NAT10: variants seen among roughly 807,000 people sequenced by gnomAD.
NAT10 encodes the protein RNA cytidine acetyltransferase.
In NAT10, 109 loss-of-function variants were observed where a neutral mutation model predicts 132.2. The ratio of observed to expected loss-of-function variants is 0.82; its 90% CI spans 0.71 to 0.97. The LOEUF (loss-of-function observed/expected upper bound fraction) is 0.97, where lower values mean the gene tolerates loss of function less well. NAT10 is among the 50% of genes least tolerant of loss of function. The pLI is 0.00. For synonymous variants in NAT10, 479 were observed against 478.0 expected, an observed-to-expected ratio of 1.00 and a Z score of -0.03; for missense variants, 1,184 against 1,263.4, an observed-to-expected ratio of 0.94 and a Z score of 0.95.
chr11:34,126,408 G>A (rs1851995056), intron 11 of NAT10, among the ~76,000 whole-genome samples: 1 of 152,112 alleles, frequency 6.6e-6, no homozygotes, highest in Admixed American at 6.5e-5. Context: ...TTTAACATTT[G>A]TTTTCAAGAT....
At chr11:34,114,777 C>T (rs951532782) in intron 5 of NAT10, among the ~76,000 whole-genome samples, 6 of 152,182 alleles carry the variant, frequency 3.9e-5, no homozygotes, top group African/African-American at 9.7e-5. Context: ...ACTCCTTAAC[C>T]GGCTTTATTT....
chr11:34,121,647 G>C (rs1851896151), intron 8 of NAT10, among the ~76,000 whole-genome samples: 1 of 151,238 alleles, frequency 6.6e-6, no homozygotes, highest in Non-Finnish European at 1.5e-5. Context: ...GGATCACGAG[G>C]TCAAGAGATT....
At chr11:34,108,874 C>G (rs1330109183) in intron 3 of NAT10, 41 bp downstream of exon 3, 4 of 1,541,022 alleles carry the variant, frequency 2.6e-6, no homozygotes, top group African/African-American at 2.8e-5. Context: ...ACTTACAATT[C>G]CTGCTCATTA....
In NAT10 at chr11:34,112,076, G is replaced by A; in HGVS notation, c.225G>A (p.Gln75=). 1 of 1,614,208 alleles carries A rather than the reference G, an allele frequency of 6.2e-7. No individual in the cohort carries two copies. Among genetic ancestry groups the A allele is most frequent in the East Asian group, 2.2e-5 (1 of 44,884 alleles). ...GTCACCGGAAGAAAAGAATGCGACAGCTGCAGAAGAAAATAAAGAATGGAA... is the reference window on the plus strand; with the variant it reads ...GTCACCGGAAGAAAAGAATGCGACAACTGCAGAAGAAAATAAAGAATGGAA... ...FSSHRKKRMR[Q]LQKKIKNGTL... The change falls in exon 4 of 29, where the codon CAG becomes CAA. Residue 75 remains glutamine (Q), a synonymous_variant. Coordinates refer to ENST00000257829, the MANE Select transcript of NAT10 (RefSeq NM_024662.3).
chr11:34,130,944 C>A lies in NAT10; in HGVS notation c.1369+7C>A, dbSNP rs1350840431. On this transcript the variant is annotated splice_region_variant and intron_variant, in intron 13 of 28. Transcript: ENST00000257829. ...ACAGCCAGATTGGCATCAGGTACCC[C>A]AGAACCTGACCCGGGTCCCGCGGTT... 1.2e-6 allele frequency: 2 copies of A among 1,613,680 alleles called. No homozygotes were observed. Among genetic ancestry groups the A allele is most frequent in the African/African-American group, 2.7e-5 (2 of 74,940 alleles).
At chr11:34,131,099 G>A (rs539367420) in intron 13 of NAT10, among the ~76,000 whole-genome samples, 162 bp downstream of exon 13, 2 of 152,288 alleles carry the variant, frequency 1.3e-5, no homozygotes, top group East Asian at 3.9e-4. Context: ...CGGAGGAACA[G>A]CAGTCCAGTG....
In NAT10 at chr11:34,141,116, C is replaced by T. The variant is rs1590193071; in HGVS notation, c.2620C>T (p.His874Tyr). ...SALLLGIGLQHKSVDQLEKEI... is the reference protein window; with the variant it reads ...SALLLGIGLQYKSVDQLEKEI... ...TCTTCTCTTGGGGATTGGCCTGCAG[C>T]ATAAGTCTGTGGACCAGCTGGAAAA... The change falls in exon 25 of 29, where the codon CAT becomes TAT. Residue 874 changes from histidine (H) to tyrosine (Y), a missense_variant. Physicochemically the swap from His to Tyr is moderately conservative, Grantham distance 83 (BLOSUM62 2). Transcript: ENST00000257829. The T allele has an allele frequency of 6.2e-7, 1 of 1,613,978 alleles. No homozygotes were observed. The highest frequency in any genetic ancestry group is 2.2e-5 in the East Asian group (1 of 44,854).
At chr11:34,128,181 C>T (rs991465251) in intron 12 of NAT10, among the ~76,000 whole-genome samples, 2 of 151,790 alleles carry the variant, frequency 1.3e-5, no homozygotes, top group African/African-American at 4.8e-5. Context: ...TGGTAAAACC[C>T]CATCTTTACT....
At chr11:34,124,896 T>A (rs1851958893) in intron 11 of NAT10, among the ~76,000 whole-genome samples, 1 of 152,262 alleles carries the variant, frequency 6.6e-6, no homozygotes, top group Non-Finnish European at 1.5e-5. Flanking sequence ...TAAGCCTGAA[T>A]GGTCTGCACT....
intron 14 of NAT10, among the ~76,000 whole-genome samples, chr11:34,131,842 C>G (rs150987077): frequency 2.0e-5 from 3 of 151,906 alleles, no homozygotes; most frequent in African/African-American, 7.3e-5. Flanking sequence ...CCAGCCACCA[C>G]GTCTGGCTAA....
intron 24 of NAT10, 42 bp from the exon 25 acceptor site, chr11:34,141,047 G>C (rs1590193023): frequency 6.2e-7 from 1 of 1,613,412 alleles, no homozygotes; most frequent in Non-Finnish European, 8.5e-7. Context: ...ATGGGCAAGG[G>C]CGTGTCCTAG....
intron 24 of NAT10, 112 bp from the exon 25 acceptor site, chr11:34,140,977 G>A: frequency 7.0e-7 from 1 of 1,426,358 alleles, no homozygotes; most frequent in Non-Finnish European, 9.7e-7. Context: ...CACAGTGCTA[G>A]TCTACCTTTG....
chr11:34,130,982 C>T, intron 13 of NAT10, 45 bp downstream of exon 13: 1 of 1,606,758 alleles, frequency 6.2e-7, no homozygotes, highest in Non-Finnish European at 8.5e-7. Context: ...CAGCAAGGCC[C>T]TTCAGTCTTA....
Position 34,135,170 on chromosome 11 carries a change from C to G in NAT10, c.1912-5C>G, listed in dbSNP as rs373098234. On this transcript the variant is annotated splice_region_variant and splice_polypyrimidine_tract_variant and intron_variant, in intron 18 of 28. Transcript: ENST00000257829. ...CGGCCTCTTCCCCTTCACGTTTGCTCCTAGATGGGCTATGGCAGCCGTGCT... is the reference window on the plus strand; with the variant it reads ...CGGCCTCTTCCCCTTCACGTTTGCTGCTAGATGGGCTATGGCAGCCGTGCT... 62 of 1,612,840 alleles carry G rather than the reference C, an allele frequency of 3.8e-5. No individual in the cohort carries two copies. The highest frequency in any genetic ancestry group is 2.5e-4 in the South Asian group (23 of 91,026).
chr11:34,123,460 G>T (rs998258578), intron 9 of NAT10, among the ~76,000 whole-genome samples: 1 of 152,276 alleles, frequency 6.6e-6, no homozygotes, highest in Non-Finnish European at 1.5e-5. Context: ...AGCACAGCTA[G>T]TGATGAGCAT....
At chr11:34,138,961 T>A (rs1852267854) in intron 21 of NAT10, 1 of 514,654 alleles carries the variant, frequency 1.9e-6, no homozygotes, top group Non-Finnish European at 3.5e-6. Flanking sequence ...GTGACACTTT[T>A]GAGGAGATTG....
Position 34,136,768 on chromosome 11 carries a change from C to G in NAT10, c.2155C>G (p.Leu719Val). ...TGTTTCCTATGGCTTGACCCCCAGG[C>G]TCCTCAAGTAAGTGCCTGCCCTCCT... is the stretch of plus-strand genomic sequence containing the variant. ...LGVSYGLTPR[L>V]LKFWKRAGFV... The change falls in exon 20 of 29, where the codon CTC (leucine) becomes GTC (valine). Residue 719 changes from leucine to valine, a missense_variant. Leu to Val is a conservative substitution (Grantham distance 32). Coordinates refer to ENST00000257829, the MANE Select transcript of NAT10 (RefSeq NM_024662.3). The G allele has an allele frequency of 1.2e-6, 2 of 1,614,194 alleles. No homozygotes were observed. The highest frequency in any genetic ancestry group is 1.7e-6 in the Non-Finnish European group (2 of 1,180,038).
At position 34,117,417 on chromosome 11, in the gene NAT10, C is replaced by T. The variant is rs1851800751; in HGVS notation, c.558-763C>T. On this transcript the variant is annotated intron_variant, in intron 6 of 28. Coordinates refer to ENST00000257829, the MANE Select transcript of NAT10 (RefSeq NM_024662.3). The stretch of plus-strand genomic sequence containing the variant: ...ATCCGGTGGGTAGAGGCCAGGGATG[C>T]TGCTGAACAACTGGTGGTGCACAGG... Among the ~76,000 whole-genome samples the T allele has an allele frequency of 2.6e-5, 4 of 152,094 alleles. No individual in the cohort carries two copies. In the South Asian group the frequency reaches 8.3e-4, roughly 32 times the overall value.
chr11:34,106,661 G>C (rs2024624), intron 1 of NAT10, among the ~76,000 whole-genome samples: 3,971 of 152,270 alleles, frequency 0.026, 84 homozygotes, highest in Non-Finnish European at 0.038. Flanking sequence ...GGCGAACTGG[G>C]AAGAGCTCAG....
Sources: gnomAD v4.1 joint callset for allele counts (sites outside exome capture counted in the v4.1 genomes callset) on GRCh38, gnomAD v4.1.1 for gene constraint, MANE v1.5 for transcripts, NCBI Gene and HGNC (gene_info 2026-07-23, HGNC 2026-07-21) for gene names.